GTF3C2: variants seen among roughly 807,000 people sequenced by gnomAD.
The protein encoded by GTF3C2 is general transcription factor IIIC subunit 2.
Under a neutral mutation model 117.4 loss-of-function variants are expected in GTF3C2, and 17 were observed. That is an observed-to-expected ratio of 0.14 (90% confidence interval 0.10 to 0.22). The LOEUF (loss-of-function observed/expected upper bound fraction) is 0.22. Among genes scored for constraint, GTF3C2 ranks in the 10% least tolerant of loss-of-function variants. The pLI, the probability that GTF3C2 is intolerant of heterozygous loss-of-function variation, is 1.00. For synonymous variants in GTF3C2, 437 were observed against 427.0 expected (o/e 1.02, Z -0.29); for missense variants, 888 against 1,143.6 (o/e 0.78, Z 3.22).
intron 1 of GTF3C2, among the ~76,000 whole-genome samples, chr2:27,355,305 G>A (rs1490025157): frequency 6.6e-6 from 1 of 152,008 alleles, no homozygotes; most frequent in African/African-American, 2.4e-5. Flanking sequence ...GGCGGATAAC[G>A]AGGTCACAAG....
chr2:27,327,952 G>T, intron 17 of GTF3C2, 85 bp downstream of exon 17: 2 of 1,133,280 alleles, frequency 1.8e-6, no homozygotes, highest in African/African-American at 1.6e-5. Flanking sequence ...ACATCTTTGT[G>T]CTGAACTCAG....
At position 27,329,295 on chromosome 2, in the gene GTF3C2, G is replaced by A. The variant is rs1460248775; in HGVS notation, c.1878-13C>T. On this transcript the variant is annotated splice_polypyrimidine_tract_variant and intron_variant, in intron 13 of 18. Transcript: ENST00000264720. The surrounding 1 kb of genome is among the most constrained non-coding windows in gnomAD (Gnocchi z 4.5). ...GACAAGGAAATGGCTGTAAAAAGACGGGAGAAGGTCAAATCCAAACAAATC... is the reference window on the plus strand; with the variant it reads ...GACAAGGAAATGGCTGTAAAAAGACAGGAGAAGGTCAAATCCAAACAAATC... 4.3e-6 allele frequency: 7 copies of A among 1,613,960 alleles called. No homozygotes were observed. The highest frequency in any genetic ancestry group is 3.3e-5 in the Admixed American group (2 of 59,990).
chr2:27,345,429 C>T (rs1488877184), intron 1 of GTF3C2, among the ~76,000 whole-genome samples: 2 of 151,966 alleles, frequency 1.3e-5, no homozygotes, highest in African/African-American at 4.8e-5. Flanking sequence ...CCCATCTCCA[C>T]TAAAAATACA....
At chr2:27,336,162 A>G (rs185643012) in intron 8 of GTF3C2, 36 bp downstream of exon 8, 230 of 1,534,120 alleles carry the variant, frequency 1.5e-4, no homozygotes, top group Middle Eastern at 1.4e-3. Flanking sequence ...GCTGTCCTCA[A>G]CCACCCTCCC....
chr2:27,339,424 AAAAG>A (rs1680635493), intron 4 of GTF3C2, among the ~76,000 whole-genome samples: 1 of 146,910 alleles, frequency 6.8e-6, no homozygotes, highest in African/African-American at 2.5e-5. Context: ...AAAAAAAAAA[AAAAG>A]AAAAAAAAAA....
intron 1 of GTF3C2, 114 bp downstream of exon 1, chr2:27,356,625 G>C (rs1455350552): frequency 1.3e-5 from 2 of 159,028 alleles, no homozygotes; most frequent in Non-Finnish European, 2.8e-5. Context: ...CGCTGCTGTG[G>C]CTGGGAGAAG....
chr2:27,351,369 G>A (rs556051491), intron 1 of GTF3C2, among the ~76,000 whole-genome samples: 4 of 152,236 alleles, frequency 2.6e-5, no homozygotes, highest in South Asian at 4.1e-4. Context: ...AGCTGAGATC[G>A]CGCCACTGCA....
chr2:27,332,031 G>A (rs979960849), intron 12 of GTF3C2, among the ~76,000 whole-genome samples: 5 of 152,092 alleles, frequency 3.3e-5, no homozygotes, highest in Admixed American at 1.3e-4. Context: ...TATCTTGGAG[G>A]AACTAGTGTC....
chr2:27,327,309 G>A lies in GTF3C2; in HGVS notation c.2410-25C>T, dbSNP rs771124495. Reference sequence around the variant, plus strand: ...CCTGGGGAAGGGAAATGGAATAGGAGAGAGAAAGTGAGACGCTCGTTTGTT... The same window carrying A: ...CCTGGGGAAGGGAAATGGAATAGGAAAGAGAAAGTGAGACGCTCGTTTGTT... On this transcript the variant is annotated intron_variant, in intron 17 of 18. Transcript: ENST00000264720. 181 of 1,175,274 alleles carry A rather than the reference G, an allele frequency of 1.5e-4. No homozygotes were observed. In the East Asian group the frequency reaches 4.2e-3, roughly 27 times the overall value. The allele number at this position is 1,175,274 out of a possible 1,614,324, so 72.8% of individuals were successfully genotyped here.
chr2:27,329,473 G>T lies in GTF3C2; in HGVS notation c.1783C>A (p.Arg595=). 6.2e-7 allele frequency: 1 copy of T among 1,613,842 alleles called. No homozygotes were observed. The highest frequency in any genetic ancestry group is 8.5e-7 in the Non-Finnish European group (1 of 1,179,744). The stretch of plus-strand genomic sequence containing the variant: ...AGCTTTAAGGAGCCATCAGAGAGCC[G>T]TATCCGCTGCAGGGGTGAGTTAGTG... Residue 595 remains arginine (R), a synonymous_variant, in exon 13 of 19, where the codon CGG becomes AGG. Coordinates refer to ENST00000264720, the Ensembl canonical transcript of GTF3C2. This position sits in a 1 kb window ranked among gnomAD's most constrained non-coding sequence, Gnocchi z 4.5.
At chr2:27,346,251 T>C (rs1244756214) in intron 1 of GTF3C2, among the ~76,000 whole-genome samples, 2 of 150,460 alleles carry the variant, frequency 1.3e-5, no homozygotes, top group African/African-American at 4.9e-5. Context: ...CTTGAATTCC[T>C]GGGCTCAAGC....
intron 10 of GTF3C2, 100 bp from the exon 11 acceptor site, chr2:27,334,099 C>T: frequency 1.2e-6 from 1 of 831,624 alleles, no homozygotes; most frequent in East Asian, 2.5e-5. Context: ...GATCATGGCT[C>T]ACTGCAGCCT....
exon 16 of GTF3C2, chr2:27,328,514 A>C: frequency 6.2e-7 from 1 of 1,612,578 alleles, no homozygotes; most frequent in Non-Finnish European, 8.5e-7. Context: ...ATTCAGTGCC[A>C]TATCTGGTAA....
At chr2:27,345,863 G>A (rs967091589) in intron 1 of GTF3C2, among the ~76,000 whole-genome samples, 1 of 149,912 alleles carries the variant, frequency 6.7e-6, no homozygotes, top group Admixed American at 6.7e-5. Context: ...ACAGGTGCCC[G>A]CCACCACACC....
intron 1 of GTF3C2, among the ~76,000 whole-genome samples, chr2:27,345,650 G>A (rs910894168): frequency 6.6e-6 from 1 of 151,988 alleles, no homozygotes; most frequent in Non-Finnish European, 1.5e-5. Context: ...ATTTCACCTG[G>A]ATGGGGGTGG....
In GTF3C2 at chr2:27,329,693, A is replaced by G. The variant is rs1457837660; in HGVS notation, c.1733-170T>C. Among the ~76,000 whole-genome samples the G allele has an allele frequency of 6.6e-6, 1 of 152,114 alleles. No homozygotes were observed. Among genetic ancestry groups the G allele is most frequent in the African/African-American group, 2.4e-5 (1 of 41,410 alleles). ...CCAACACTCCCTCCAGGGCTTAAAG[A>G]CTCAACCTGGTATTTTAACCCTAAT... On this transcript the variant is annotated intron_variant, in intron 12 of 18. Transcript: ENST00000264720. The surrounding 1 kb of genome is among the most constrained non-coding windows in gnomAD (Gnocchi z 4.5).
chr2:27,339,183 C>A (rs746572594), intron 4 of GTF3C2, among the ~76,000 whole-genome samples: 1 of 151,792 alleles, frequency 6.6e-6, no homozygotes, highest in Admixed American at 6.6e-5. Flanking sequence ...CCGAGGCGGG[C>A]GGATCACGAG....
At position 27,329,327 on chromosome 2, in the gene GTF3C2, T is replaced by A. The variant is rs748799655; in HGVS notation, c.1878-45A>T. 2.9e-5 allele frequency: 47 copies of A among 1,613,794 alleles called. No homozygotes were observed. Among genetic ancestry groups the A allele is most frequent in the Non-Finnish European group, 3.8e-5 (45 of 1,179,806 alleles). ...GGTCAAATCCAAACAAATCCGGAAG[T>A]CAGCCTGTCCCAGTCTTCACCTTCC... On this transcript the variant is annotated intron_variant, in intron 13 of 18. Coordinates refer to ENST00000264720, the Ensembl canonical transcript of GTF3C2. The surrounding 1 kb of genome is among the most constrained non-coding windows in gnomAD (Gnocchi z 4.5).
rs763682355 is a variant in GTF3C2, at chr2:27,329,571, C to G, written c.1733-48G>C. On this transcript the variant is annotated intron_variant, in intron 12 of 18. Coordinates refer to ENST00000264720, the Ensembl canonical transcript of GTF3C2. This position sits in a 1 kb window ranked among gnomAD's most constrained non-coding sequence, Gnocchi z 4.5. ...GAGCATTAAAAGCAAGTTCTCTCTTCCTTGCTCTAATTTCTTTCTCTGGGC... is the reference window on the plus strand; with the variant it reads ...GAGCATTAAAAGCAAGTTCTCTCTTGCTTGCTCTAATTTCTTTCTCTGGGC... The G allele has an allele frequency of 2.5e-6, 4 of 1,590,480 alleles. No individual in the cohort carries two copies. The highest frequency in any genetic ancestry group is 1.3e-5 in the African/African-American group (1 of 74,280).
Sources: gnomAD v4.1 joint callset for allele counts (sites outside exome capture counted in the v4.1 genomes callset) on GRCh38, gnomAD v4.1.1 for gene constraint, Gnocchi (gnomAD v3.1) non-coding constraint, MANE v1.5 for transcripts, NCBI Gene and HGNC (gene_info 2026-07-23, HGNC 2026-07-21) for gene names.